Variants in HOOK1 observed in about 807,000 individuals in gnomAD.
The protein encoded by HOOK1 is protein Hook homolog 1.
HOOK1 carries 60 observed loss-of-function variants against 112.8 expected under a neutral mutation model. The ratio of observed to expected loss-of-function variants is 0.53; its 90% CI spans 0.43 to 0.66. The LOEUF is 0.66. Ranked by LOEUF, HOOK1 falls within the 30% of genes least tolerant of loss-of-function variation. HOOK1 has a pLI of 0.00. For missense variants in HOOK1, 770 were observed against 856.0 expected (o/e 0.90, Z 1.25); for synonymous variants, 294 against 283.8 (o/e 1.04, Z -0.36).
chr1:59,855,964 T>TAAAAAAAA (rs1559058013), intron 12 of HOOK1, among the ~76,000 whole-genome samples: 9 of 92,648 alleles, frequency 9.7e-5, no homozygotes, highest in African/African-American at 4.4e-4. Context: ...ATATATAAAT[T>TAAAAAAAA]ATTATATATA....
intron 2 of HOOK1, among the ~76,000 whole-genome samples, chr1:59,824,484 G>A (rs987157240): frequency 4.6e-5 from 7 of 152,152 alleles, no homozygotes; most frequent in African/African-American, 1.7e-4. Context: ...GGGATTACAG[G>A]CGTGAGCCAC....
intron 21 of HOOK1, 86 bp downstream of exon 21, chr1:59,871,196 T>TTTC: frequency 1.2e-6 from 1 of 853,038 alleles, no homozygotes; most frequent in Non-Finnish European, 1.9e-6. Flanking sequence ...GAAAATATAT[T>TTTC]TTATCTTATA....
At chr1:59,867,922 G>T (rs1240108793) in intron 19 of HOOK1, among the ~76,000 whole-genome samples, 1 of 152,102 alleles carries the variant, frequency 6.6e-6, no homozygotes, top group Admixed American at 6.5e-5. Flanking sequence ...AATAAATACA[G>T]AAAGGATTAT....
rs1644048406 is a variant in HOOK1, at chr1:59,871,093, T to G, written c.1999T>G (p.Ser667Ala). The G allele has an allele frequency of 6.2e-7, 1 of 1,611,896 alleles. No homozygotes were observed. The change falls in exon 21 of 22, where the codon TCT becomes GCT. Residue 667 changes from serine to alanine, a missense_variant. By Grantham distance (99) the Ser-to-Ala change is moderately conservative. Coordinates refer to ENST00000371208, the MANE Select transcript of HOOK1 (RefSeq NM_015888.6). ...FRDYEEKLIV[S>A]AWYNKSLAFQ... is the part of the protein sequence containing the mutation. ...TGATTATGAAGAAAAACTCATTGTT[T>G]CTGCGTGGTATAATAAGGTGAGCTG...
In HOOK1 at chr1:59,827,017, G is replaced by C. The variant is rs1352976765; in HGVS notation, c.150-1763G>C. Among the ~76,000 whole-genome samples the C allele has an allele frequency of 2.0e-5, 3 of 152,034 alleles. No homozygotes were observed. The East Asian group carries it at 5.8e-4, about 29-fold the overall frequency. On this transcript the variant is annotated intron_variant, in intron 2 of 21. Coordinates refer to ENST00000371208, the MANE Select transcript of HOOK1 (RefSeq NM_015888.6). ...TGACCTCAGGTGATCTGGCTGCCTCGGCCCCCCAAAGCGCTGGGATTACAG... is the reference window on the plus strand; with the variant it reads ...TGACCTCAGGTGATCTGGCTGCCTCCGCCCCCCAAAGCGCTGGGATTACAG...
intron 2 of HOOK1, among the ~76,000 whole-genome samples, chr1:59,823,273 T>G (rs1574174375): frequency 6.6e-6 from 1 of 152,212 alleles, no homozygotes; most frequent in African/African-American, 2.4e-5. Context: ...TGAGCCGAGA[T>G]CCTGCCACTG....
chr1:59,834,529 A>G (rs945590989), intron 5 of HOOK1, among the ~76,000 whole-genome samples: 2 of 152,180 alleles, frequency 1.3e-5, no homozygotes, highest in African/African-American at 4.8e-5. Flanking sequence ...TCACTTATAA[A>G]TAAAGTTAAA....
In HOOK1 at chr1:59,871,095, T is replaced by G; in HGVS notation, c.2001T>G (p.Ser667=). ...FRDYEEKLIV[S]AWYNKSLAFQ... ...ATTATGAAGAAAAACTCATTGTTTCTGCGTGGTATAATAAGGTGAGCTGAA... is the reference window on the plus strand; with the variant it reads ...ATTATGAAGAAAAACTCATTGTTTCGGCGTGGTATAATAAGGTGAGCTGAA... Residue 667 remains serine (S), a synonymous_variant, in exon 21 of 22, where the codon TCT becomes TCG. Transcript: ENST00000371208. 1 of 1,611,914 alleles carries G rather than the reference T, an allele frequency of 6.2e-7. No individual in the cohort carries two copies. The highest frequency in any genetic ancestry group is 8.5e-7 in the Non-Finnish European group (1 of 1,178,274).
At position 59,824,209 on chromosome 1, in the gene HOOK1, A is replaced by AT. The variant is rs1174395159; in HGVS notation, c.149+2266_149+2267insT. On this transcript the variant is annotated intron_variant, in intron 2 of 21. Transcript: ENST00000371208. ...TTTCAAAGCACTTTAAATATGTTAC[A>AT]ATTTTTTTTTTTTTTTGAGATGGAG... is the stretch of plus-strand genomic sequence containing the variant. 4.4e-3 allele frequency among the ~76,000 whole-genome samples: 646 copies of AT among 147,548 alleles called. 2 individuals are homozygous for AT. Among genetic ancestry groups the AT allele is most frequent in the African/African-American group, 0.016 (618 of 37,492 alleles).
intron 1 of HOOK1, among the ~76,000 whole-genome samples, chr1:59,820,532 T>C (rs2098384851): frequency 6.6e-6 from 1 of 152,208 alleles, no homozygotes; most frequent in Non-Finnish European, 1.5e-5. Context: ...TGTACTTTTA[T>C]CATATTCCTA....
In HOOK1 at chr1:59,873,023, A is replaced by G. The variant is rs1027923347; in HGVS notation, c.*58A>G. On this transcript the variant is annotated 3_prime_UTR_variant, in exon 22 of 22. Transcript: ENST00000371208. The stretch of plus-strand genomic sequence containing the variant: ...CACATAAAATAGAAGTGTCCTTAAA[A>G]TATTTTGTACCTTTCAACTAACTAC... 30 of 1,272,680 alleles carry G rather than the reference A, an allele frequency of 2.4e-5. No individual in the cohort carries two copies. Among genetic ancestry groups the G allele is most frequent in the Middle Eastern group, 4.0e-4 (2 of 4,958 alleles). The allele number at this position is 1,272,680 out of a possible 1,614,324, so 78.8% of individuals were successfully genotyped here. A position where few individuals can be genotyped will look rare whatever the true frequency, so the allele number is the denominator to read the frequency against.
intron 1 of HOOK1, among the ~76,000 whole-genome samples, chr1:59,817,718 C>A (rs2098382685): frequency 6.6e-6 from 1 of 152,160 alleles, no homozygotes; most frequent in Admixed American, 6.5e-5. Context: ...CTGCTTCCGT[C>A]ATTCAGGTCT....
rs950902605 is a variant in HOOK1 at position 59,815,057 on chromosome 1, A to G, written c.-61A>G. 2.8e-6 allele frequency: 4 copies of G among 1,418,944 alleles called. No homozygotes were observed. Among genetic ancestry groups the G allele is most frequent in the Non-Finnish European group, 3.7e-6 (4 of 1,073,748 alleles). 87.9% of individuals were successfully genotyped at this position (1,418,944 alleles called of 1,614,324 possible). A position where few individuals can be genotyped will look rare whatever the true frequency, so the allele number is the denominator to read the frequency against. ...GCAGGTCGTGGACGCCGGCTCCTGGAGGAGAGCCGGTAGGAGGGAGTGTGA... is the reference window on the plus strand; with the variant it reads ...GCAGGTCGTGGACGCCGGCTCCTGGGGGAGAGCCGGTAGGAGGGAGTGTGA... On this transcript the variant is annotated 5_prime_UTR_variant, in exon 1 of 22. Transcript: ENST00000371208.
rs370113171 is a variant in HOOK1, at chr1:59,875,540, A to T, written c.*2575A>T. On this transcript the variant is annotated 3_prime_UTR_variant, in exon 22 of 22. Coordinates refer to ENST00000371208, the MANE Select transcript of HOOK1 (RefSeq NM_015888.6). ...AACATTTCATCTTGAACCATGATTT[A>T]TACACATCTGTGTTATAAGGGAGGC... The T allele has an allele frequency of 6.6e-6, 1 of 152,604 alleles. No individual in the cohort carries two copies. Among genetic ancestry groups the T allele is most frequent in the Non-Finnish European group, 1.5e-5 (1 of 68,018 alleles). 9.5% of individuals were successfully genotyped at this position (152,604 alleles called of 1,614,324 possible).
intron 2 of HOOK1, among the ~76,000 whole-genome samples, chr1:59,824,391 A>C (rs1350879457): frequency 2.0e-5 from 3 of 152,078 alleles, no homozygotes; most frequent in Non-Finnish European, 4.4e-5. Context: ...TATTGTTAGG[A>C]GAGATGGGGT....
chr1:59,868,172 C>A, intron 19 of HOOK1, 78 bp from the exon 20 acceptor site: 1 of 761,626 alleles, frequency 1.3e-6, no homozygotes, highest in Non-Finnish European at 2.2e-6. Flanking sequence ...CTTACTTACA[C>A]AGTTTTTGTA....
At chr1:59,838,471 C>T (rs2098399190) in intron 7 of HOOK1, among the ~76,000 whole-genome samples, 1 of 152,032 alleles carries the variant, frequency 6.6e-6, no homozygotes, top group Non-Finnish European at 1.5e-5. Context: ...TTTCATATGT[C>T]CGTTCGCTGC....
intron 19 of HOOK1, 134 bp from the exon 20 acceptor site, chr1:59,868,116 A>G: frequency 3.4e-6 from 2 of 582,146 alleles, no homozygotes; most frequent in Non-Finnish European, 6.2e-6. Flanking sequence ...GGATTGTAAA[A>G]CAAGCTACAG....
intron 2 of HOOK1, among the ~76,000 whole-genome samples, chr1:59,826,792 C>T (rs1011532772): frequency 5.9e-5 from 9 of 152,240 alleles, no homozygotes; most frequent in East Asian, 1.9e-4. Context: ...GACGGAGTTT[C>T]GCTCTTGTTG....
Sources: gnomAD v4.1 joint callset for allele counts (sites outside exome capture counted in the v4.1 genomes callset) on GRCh38, gnomAD v4.1.1 for gene constraint, MANE v1.5 for transcripts, NCBI Gene and HGNC (gene_info 2026-07-23, HGNC 2026-07-21) for gene names.